The following TPRG1 variants were observed in gnomAD, a reference collection of about 807,000 sequenced individuals.
The protein encoded by TPRG1 is tumor protein p63 regulated 1, also known as tumor protein p63-regulated gene 1 protein.
TPRG1 carries 29 observed loss-of-function variants against 29.3 expected under a neutral mutation model. The observed-to-expected ratio is 0.99, with a 90% CI of 0.74 to 1.35. The LOEUF (loss-of-function observed/expected upper bound fraction) is 1.35. TPRG1 is among the 40% of genes most tolerant of loss of function. The pLI is 0.00. For missense variants in TPRG1, 327 were observed against 335.0 expected (o/e 0.98, Z 0.19); for synonymous variants, 130 against 116.8 (o/e 1.11, Z -0.73).
intron 5 of TPRG1, among the ~76,000 whole-genome samples, chr3:189,158,534 G>A (rs1050195682): frequency 1.3e-4 from 20 of 152,052 alleles, no homozygotes; most frequent in African/African-American, 4.1e-4. Context: ...GCTGGAACCC[G>A]GGAGGCTGAG....
intron 1 of TPRG1, among the ~76,000 whole-genome samples, chr3:189,104,999 T>C (rs1296043986): frequency 2.6e-5 from 4 of 152,302 alleles, no homozygotes; most frequent in African/African-American, 9.6e-5. Flanking sequence ...TCTAATTCCC[T>C]AACCAAACTC....
intron 4 of TPRG1, among the ~76,000 whole-genome samples, chr3:189,254,372 T>G (rs1742734692): frequency 6.6e-6 from 1 of 152,224 alleles, no homozygotes; most frequent in Non-Finnish European, 1.5e-5. Flanking sequence ...TCTGTTTCAT[T>G]GGTCTATATA....
intron 4 of TPRG1, among the ~76,000 whole-genome samples, chr3:189,242,787 C>A (rs1460956291): frequency 6.6e-6 from 1 of 151,864 alleles, no homozygotes; most frequent in Admixed American, 6.6e-5. Context: ...AAGTTAATTT[C>A]TTTTATAAAT....
At chr3:189,075,138 T>A (rs1346624946) in intron 4 of TPRG1, among the ~76,000 whole-genome samples, 1 of 151,736 alleles carries the variant, frequency 6.6e-6, no homozygotes, top group African/African-American at 2.4e-5. Context: ...TTTTATTATT[T>A]TTTTTATTTT....
chr3:189,178,416 C>G (rs1729778713), intron 1 of TPRG1, among the ~76,000 whole-genome samples: 1 of 152,186 alleles, frequency 6.6e-6, no homozygotes, highest in Admixed American at 6.5e-5. Context: ...GTAGTCCCAG[C>G]TACTCGCAAG....
chr3:189,312,079 A>ATGTT (rs1560688415), intron 5 of TPRG1, among the ~76,000 whole-genome samples: 10 of 122,054 alleles, frequency 8.2e-5, no homozygotes, highest in Admixed American at 1.5e-4. Flanking sequence ...AGAACACTTT[A>ATGTT]TGTTTCTTTC....
intron 4 of TPRG1, among the ~76,000 whole-genome samples, chr3:189,268,159 G>C (rs1435934336): frequency 6.6e-6 from 1 of 152,198 alleles, no homozygotes; most frequent in Non-Finnish European, 1.5e-5. Context: ...CACATGCTGT[G>C]ATGAACAGGG....
intron 4 of TPRG1, among the ~76,000 whole-genome samples, chr3:189,286,860 G>C (rs1718144973): frequency 6.6e-6 from 1 of 152,090 alleles, no homozygotes; most frequent in Non-Finnish European, 1.5e-5. Context: ...ATGAGGCCAG[G>C]CTCCAGTTCT....
At chr3:189,320,164 T>A (rs1724145571) in intron 5 of TPRG1, among the ~76,000 whole-genome samples, 1 of 152,072 alleles carries the variant, frequency 6.6e-6, no homozygotes, top group African/African-American at 2.4e-5. Context: ...TTTTTGCCTG[T>A]CTGTTCAACT....
intron 1 of TPRG1, among the ~76,000 whole-genome samples, chr3:189,178,213 G>A (rs1729746400): frequency 6.6e-6 from 1 of 152,150 alleles, no homozygotes; most frequent in Non-Finnish European, 1.5e-5. Context: ...TTTTATTGAG[G>A]TGGAGGAAAG....
chr3:189,284,046 C>CT (rs947768252), intron 4 of TPRG1, among the ~76,000 whole-genome samples: 3 of 152,066 alleles, frequency 2.0e-5, no homozygotes, highest in African/African-American at 7.2e-5. Context: ...ATGAATGCAC[C>CT]GATGCACCAA....
chr3:189,316,039 A>T (rs981069151), intron 5 of TPRG1, among the ~76,000 whole-genome samples: 9 of 152,340 alleles, frequency 5.9e-5, no homozygotes, highest in Middle Eastern at 3.4e-3. Context: ...AAAGCTGCGA[A>T]TTACAAAGGT....
At chr3:189,165,504 C>G (rs1038915409) in intron 5 of TPRG1, among the ~76,000 whole-genome samples, 2 of 150,926 alleles carry the variant, frequency 1.3e-5, no homozygotes, top group African/African-American at 4.9e-5. Flanking sequence ...CCCAGAGATT[C>G]TAATCCAGTA....
chr3:189,184,264 G>C (rs1730621723), intron 1 of TPRG1, among the ~76,000 whole-genome samples: 1 of 152,100 alleles, frequency 6.6e-6, no homozygotes, highest in Non-Finnish European at 1.5e-5. Flanking sequence ...GAACCATGAG[G>C]CTATGATGAG....
At chr3:189,014,674 T>C (rs1251930747) in intron 3 of TPRG1, among the ~76,000 whole-genome samples, 6 of 152,150 alleles carry the variant, frequency 3.9e-5, no homozygotes, top group African/African-American at 1.4e-4. Context: ...CAAGATATTG[T>C]CATTTGAAAG....
At chr3:189,308,824 T>C (rs112512513) in intron 4 of TPRG1, among the ~76,000 whole-genome samples, 38 of 152,302 alleles carry the variant, frequency 2.5e-4, no homozygotes, top group African/African-American at 9.1e-4. Flanking sequence ...GCAAGTTGTT[T>C]TAATGGACTC....
At chr3:189,186,807 A>T (rs1420949884) in intron 1 of TPRG1, among the ~76,000 whole-genome samples, 2 of 152,036 alleles carry the variant, frequency 1.3e-5, no homozygotes, top group Non-Finnish European at 2.9e-5. Flanking sequence ...TTATACTTGA[A>T]CCTGGATTTC....
intron 1 of TPRG1, among the ~76,000 whole-genome samples, chr3:189,204,579 C>T (rs529510066): frequency 2.0e-5 from 3 of 152,306 alleles, no homozygotes; most frequent in East Asian, 1.9e-4. Context: ...GGATCTCAAA[C>T]AGCTTGGTCT....
chr3:189,015,118 G>A (rs923790465), intron 3 of TPRG1, among the ~76,000 whole-genome samples: 1 of 152,156 alleles, frequency 6.6e-6, no homozygotes, highest in Non-Finnish European at 1.5e-5. Flanking sequence ...CCAGGGCGAG[G>A]TGTTCTCAGG....
Sources: allele counts gnomAD v4.1 joint callset (sites outside exome capture counted in the v4.1 genomes callset), GRCh38; gene constraint gnomAD v4.1.1; transcripts MANE v1.5; gene names NCBI Gene and HGNC (gene_info 2026-07-23, HGNC 2026-07-21).